The following SLC35F4 variants were observed in gnomAD, a reference collection of about 807,000 sequenced individuals.
SLC35F4 encodes chromosome 14 open reading frame 36.
Under a neutral mutation model 44.2 loss-of-function variants are expected in SLC35F4, and 24 were observed. The ratio of observed to expected loss-of-function variants is 0.54; its 90% confidence interval spans 0.39 to 0.76. The LOEUF is 0.76. Ranked by LOEUF, SLC35F4 falls within the 30% of genes least tolerant of loss-of-function variation. The pLI is 0.00. For missense variants in SLC35F4, 562 were observed against 586.1 expected, an observed-to-expected ratio of 0.96 and a Z score of 0.42; for synonymous variants, 238 against 223.6, an observed-to-expected ratio of 1.06 and a Z score of -0.57.
chr14:57,588,753 G>A (rs766778588), intron 3 of SLC35F4, among the ~76,000 whole-genome samples: 1 of 152,152 alleles, frequency 6.6e-6, no homozygotes, highest in Non-Finnish European at 1.5e-5. Flanking sequence ...TCAGTGTCAG[G>A]AATATTGAGC....
intron 1 of SLC35F4, among the ~76,000 whole-genome samples, chr14:57,798,743 T>C (rs1027673436): frequency 5.3e-5 from 8 of 152,204 alleles, no homozygotes; most frequent in Non-Finnish European, 5.9e-5. Flanking sequence ...ATGTTGCCAT[T>C]TGATTTTTAT....
At chr14:57,640,784 C>T (rs1045988443) in intron 1 of SLC35F4, among the ~76,000 whole-genome samples, 1 of 151,876 alleles carries the variant, frequency 6.6e-6, no homozygotes, top group Non-Finnish European at 1.5e-5. Context: ...AAAAGATAAT[C>T]ACTTTTTATG....
chr14:57,727,971 A>G (rs1352054767), intron 1 of SLC35F4, among the ~76,000 whole-genome samples: 1 of 152,192 alleles, frequency 6.6e-6, no homozygotes, highest in Non-Finnish European at 1.5e-5. Context: ...TTCAGTGCTG[A>G]AGGTGAGGTG....
chr14:57,579,312 A>G (rs1235160518), intron 4 of SLC35F4: 2 of 152,238 alleles, frequency 1.3e-5, no homozygotes, highest in African/African-American at 2.4e-5. Flanking sequence ...CAAATTTTAA[A>G]TGGCAATGGT....
intron 1 of SLC35F4, among the ~76,000 whole-genome samples, chr14:57,841,898 T>C (rs1371667517): frequency 6.6e-6 from 1 of 152,236 alleles, no homozygotes; most frequent in African/African-American, 2.4e-5. Flanking sequence ...GAATGTCAGA[T>C]ATTGTGATAT....
chr14:57,598,893 G>GTGTA (rs1490067719), intron 1 of SLC35F4, among the ~76,000 whole-genome samples: 1 of 16,042 alleles, frequency 6.2e-5, no homozygotes, highest in Non-Finnish European at 2.9e-4. Context: ...GTGTGTGTAT[G>GTGTA]TGTGTGTGTG....
chr14:57,587,385 A>AATG (rs1484409247), intron 3 of SLC35F4, among the ~76,000 whole-genome samples: 1 of 152,244 alleles, frequency 6.6e-6, no homozygotes, highest in Non-Finnish European at 1.5e-5. Flanking sequence ...AATGCCCATC[A>AATG]ATGATAGACT....
At chr14:57,867,073 G>C (rs559760279), upstream of SLC35F4, among the ~76,000 whole-genome samples, 4 of 151,634 alleles carry the variant, frequency 2.6e-5, no homozygotes, top group African/African-American at 9.7e-5. Context: ...CAGCTCATCA[G>C]CTTAGAGGCA....
intron 1 of SLC35F4, among the ~76,000 whole-genome samples, chr14:57,841,763 A>G (rs1199495659): frequency 6.6e-6 from 1 of 152,214 alleles, no homozygotes; most frequent in Non-Finnish European, 1.5e-5. Flanking sequence ...CATTACAAGG[A>G]GTAAACACAT....
At chr14:57,886,514 A>G (rs933204079) in intron 1 of SLC35F4, among the ~76,000 whole-genome samples, 1 of 152,232 alleles carries the variant, frequency 6.6e-6, no homozygotes, top group Non-Finnish European at 1.5e-5. Flanking sequence ...GGATAAAATC[A>G]TATCCCTATT....
chr14:57,961,189 G>A (rs532947338), intron 1 of SLC35F4, among the ~76,000 whole-genome samples: 27 of 152,206 alleles, frequency 1.8e-4, no homozygotes, highest in African/African-American at 4.3e-4. Flanking sequence ...GTGCGCACCC[G>A]TCTGGCTTCC....
intron 1 of SLC35F4, chr14:57,597,036 C>T: frequency 2.5e-6 from 1 of 408,122 alleles, no homozygotes; most frequent in South Asian, 2.2e-5. Context: ...CCTCTATGGT[C>T]TTGTACCATT....
At chr14:57,867,082 C>T (rs1374757783), upstream of SLC35F4, among the ~76,000 whole-genome samples, 2 of 151,664 alleles carry the variant, frequency 1.3e-5, no homozygotes, top group East Asian at 3.9e-4. Flanking sequence ...AGCTTAGAGG[C>T]AATTTAGGTC....
chr14:57,832,699 C>T (rs1045601364), intron 1 of SLC35F4, among the ~76,000 whole-genome samples: 2 of 152,128 alleles, frequency 1.3e-5, no homozygotes, highest in African/African-American at 4.8e-5. Flanking sequence ...TTTACCAACT[C>T]CAATTTTTGC....
At chr14:57,724,791 C>T (rs566007065) in intron 1 of SLC35F4, among the ~76,000 whole-genome samples, 15 of 152,332 alleles carry the variant, frequency 9.8e-5, no homozygotes, top group Non-Finnish European at 1.8e-4. Flanking sequence ...TGCAGCACTA[C>T]AGCCCCTTTT....
At chr14:57,706,449 A>G (rs7157070) in intron 1 of SLC35F4, among the ~76,000 whole-genome samples, 80,726 of 152,056 alleles carry the variant, frequency 0.53, 21,780 homozygotes, top group Non-Finnish European at 0.58. Context: ...GGCCTGTGTC[A>G]AGCACAGAGG....
intron 1 of SLC35F4, among the ~76,000 whole-genome samples, chr14:57,759,710 G>C (rs555175903): frequency 6.6e-6 from 1 of 152,110 alleles, no homozygotes; most frequent in Non-Finnish European, 1.5e-5. Context: ...TTTTGTTTCG[G>C]TCAGTGCTAC....
chr14:57,758,001 A>ATGTGTGTGTGTGTGTGTGTGTG (rs34860997), intron 1 of SLC35F4, among the ~76,000 whole-genome samples: 2 of 128,922 alleles, frequency 1.6e-5, no homozygotes, highest in African/African-American at 2.9e-5. Flanking sequence ...TTATAGGTTC[A>ATGTGTGTGTGTGTGTGTGTGTG]TGTGTGTGTG....
At chr14:57,856,836 T>C (rs952889478) in intron 1 of SLC35F4, among the ~76,000 whole-genome samples, 2 of 152,084 alleles carry the variant, frequency 1.3e-5, no homozygotes, top group Non-Finnish European at 2.9e-5. Flanking sequence ...TCATAACTTG[T>C]TCCAGTGAAA....
Sources: gnomAD v4.1 joint callset for allele counts (sites outside exome capture counted in the v4.1 genomes callset) on GRCh38, gnomAD v4.1.1 for gene constraint, MANE v1.5 for transcripts, NCBI Gene and HGNC (gene_info 2026-07-23, HGNC 2026-07-21) for gene names.